Variants in KIF16B observed in about 807,000 individuals in gnomAD.
The protein encoded by KIF16B is kinesin-like protein KIF16B.
In KIF16B, 98 loss-of-function variants were observed where a neutral mutation model predicts 156.3. The ratio of observed to expected loss-of-function variants is 0.63; its 90% CI spans 0.53 to 0.74. The LOEUF is 0.74. Among genes scored for constraint, KIF16B ranks in the 30% least tolerant of loss-of-function variants. The pLI is 0.00. For synonymous variants in KIF16B, 564 were observed against 583.7 expected (o/e 0.97, Z 0.49); for missense variants, 1,421 against 1,606.5 (o/e 0.88, Z 1.97).
chr20:16,360,528 A>G (rs1056579154), intron 22 of KIF16B, among the ~76,000 whole-genome samples: 3 of 152,188 alleles, frequency 2.0e-5, no homozygotes, highest in East Asian at 1.9e-4. Flanking sequence ...ACTGGTGTGG[A>G]TGAGTACAGA....
intron 12 of KIF16B, among the ~76,000 whole-genome samples, chr20:16,433,802 G>A (rs1201366454): frequency 6.6e-6 from 1 of 152,102 alleles, no homozygotes; most frequent in South Asian, 2.1e-4. Context: ...AACTGGAAAC[G>A]AGGGTTTAAA....
At position 16,526,151 on chromosome 20, in the gene KIF16B, A is replaced by G; in HGVS notation, c.172T>C (p.Tyr58His). Reference sequence around the variant, plus strand: ...TCAGCAGAATAAAAAGAAAAGTCATAGGTGAAGGTCTTGGTCCGTTCTCTT... The same window carrying G: ...TCAGCAGAATAAAAAGAAAAGTCATGGGTGAAGGTCTTGGTCCGTTCTCTT... ...SGRERTKTFT[Y>H]DFSFYSADTK... is the part of the protein sequence containing the mutation. The change falls in exon 3 of 26, where the codon TAT (tyrosine) becomes CAT (histidine). Residue 58 changes from tyrosine (Y) to histidine (H), a missense_variant. Physicochemically the swap from Tyr to His is moderately conservative, Grantham distance 83. Coordinates refer to ENST00000354981, the MANE Select transcript of KIF16B (RefSeq NM_024704.5). 1.2e-6 allele frequency: 2 copies of G among 1,610,780 alleles called. No individual in the cohort carries two copies. The highest frequency in any genetic ancestry group is 1.7e-6 in the Non-Finnish European group (2 of 1,178,444).
intron 1 of KIF16B, among the ~76,000 whole-genome samples, chr20:16,553,078 T>G (rs1371681352): frequency 1.3e-5 from 2 of 152,192 alleles, no homozygotes; most frequent in Non-Finnish European, 2.9e-5. Context: ...TATTTTAATT[T>G]CTAATGTGGC....
intron 22 of KIF16B, among the ~76,000 whole-genome samples, chr20:16,359,352 CTT>C (rs1229021332): frequency 6.6e-6 from 1 of 152,176 alleles, no homozygotes; most frequent in Non-Finnish European, 1.5e-5. Flanking sequence ...CCCTCACACT[CTT>C]TCTCTTGCTC....
intron 12 of KIF16B, among the ~76,000 whole-genome samples, chr20:16,450,916 A>C (rs756905387): frequency 3.9e-5 from 6 of 152,170 alleles, no homozygotes; most frequent in Non-Finnish European, 8.8e-5. Flanking sequence ...ATAGTTTACT[A>C]TTTTTCACCC....
chr20:16,370,413 C>T (rs1012029337), intron 22 of KIF16B, among the ~76,000 whole-genome samples, 173 bp downstream of exon 22: 4 of 152,220 alleles, frequency 2.6e-5, no homozygotes, highest in Non-Finnish European at 4.4e-5. Context: ...CAGTTTCAAA[C>T]TACAGGATTC....
chr20:16,572,968 G>A (rs1290342633), intron 1 of KIF16B, among the ~76,000 whole-genome samples: 1 of 151,998 alleles, frequency 6.6e-6, no homozygotes, highest in Non-Finnish European at 1.5e-5. Context: ...TTTAAAGGGG[G>A]AACAAGAACA....
intron 24 of KIF16B, among the ~76,000 whole-genome samples, chr20:16,315,219 A>G (rs1365255416): frequency 6.6e-6 from 1 of 152,150 alleles, no homozygotes; most frequent in Non-Finnish European, 1.5e-5. Context: ...TGCTATTAAT[A>G]TTCAGCCTGT....
chr20:16,447,997 A>C (rs2066980731), intron 12 of KIF16B, among the ~76,000 whole-genome samples: 1 of 152,144 alleles, frequency 6.6e-6, no homozygotes, highest in African/African-American at 2.4e-5. Flanking sequence ...AAAACACAAA[A>C]CCAGCAAGCT....
intron 1 of KIF16B, among the ~76,000 whole-genome samples, chr20:16,544,523 C>CT (rs2070326825): frequency 1.5e-5 from 2 of 137,524 alleles, no homozygotes; most frequent in South Asian, 4.8e-4. Context: ...AGGAGAGTCG[C>CT]TTGAACCTGG....
chr20:16,500,103 T>C (rs1057446993), intron 10 of KIF16B, among the ~76,000 whole-genome samples: 1 of 152,152 alleles, frequency 6.6e-6, no homozygotes, highest in Non-Finnish European at 1.5e-5. Context: ...GAAAAGGACA[T>C]CCTGTTTTTA....
At chr20:16,283,682 T>C (rs2063180721) in intron 25 of KIF16B, among the ~76,000 whole-genome samples, 2 of 152,208 alleles carry the variant, frequency 1.3e-5, no homozygotes, top group Admixed American at 1.3e-4. Context: ...ACAAACGTTG[T>C]GGCTGGAAGC....
intron 1 of KIF16B, among the ~76,000 whole-genome samples, chr20:16,556,678 C>A (rs1249412026): frequency 1.3e-5 from 2 of 152,188 alleles, no homozygotes; most frequent in African/African-American, 4.8e-5. Context: ...TCTGGGCCCA[C>A]AGACCTCCCT....
rs376882916 is a variant in KIF16B, at chr20:16,367,559, T to C, written c.3498+3027A>G. 5.0e-5 allele frequency: 81 copies of C among 1,612,920 alleles called. No individual in the cohort carries two copies. In the African/African-American group the frequency reaches 5.7e-4, roughly 11 times the overall value. On this transcript the variant is annotated intron_variant, in intron 22 of 25. Coordinates refer to ENST00000354981, the MANE Select transcript of KIF16B (RefSeq NM_024704.5). ...CACTGGTCATGGCCAGAGTCACCCA[T>C]GACTTTCACTGTTGTGTAGAGCAGT...
intron 17 of KIF16B, among the ~76,000 whole-genome samples, chr20:16,387,061 G>A (rs930658758): frequency 7.2e-5 from 11 of 152,204 alleles, no homozygotes; most frequent in South Asian, 6.2e-4. Flanking sequence ...GGATTCAAAG[G>A]TGTTGCTCTC....
chr20:16,402,361 CCTT>C (rs2065676556), intron 17 of KIF16B, among the ~76,000 whole-genome samples: 1 of 152,200 alleles, frequency 6.6e-6, no homozygotes, highest in East Asian at 1.9e-4. Flanking sequence ...TGCAAGCTGA[CCTT>C]CTCAGGATTA....
chr20:16,503,388 A>G (rs1156895015), intron 10 of KIF16B, among the ~76,000 whole-genome samples: 2 of 152,170 alleles, frequency 1.3e-5, no homozygotes, highest in African/African-American at 4.8e-5. Context: ...TTCCTATTCA[A>G]CTGCTGTCCA....
rs886890449 is a variant in KIF16B, at chr20:16,549,266, C to T, written c.48-20826G>A. 2.7e-5 allele frequency among the ~76,000 whole-genome samples: 4 copies of T among 150,656 alleles called. No homozygotes were observed. The Admixed American group carries it at 2.7e-4, about 10-fold the overall frequency. On this transcript the variant is annotated intron_variant, in intron 1 of 25. Transcript: ENST00000354981. ...CCATGTGATCTCATTGTTCAATTCC[C>T]ACCTATGAGTGAGAATATGCGGTGT...
At chr20:16,540,849 T>C (rs932573198) in intron 1 of KIF16B, among the ~76,000 whole-genome samples, 1 of 152,206 alleles carries the variant, frequency 6.6e-6, no homozygotes, top group Non-Finnish European at 1.5e-5. Flanking sequence ...TATGACTGTG[T>C]CCCAAATATT....
Sources: gnomAD v4.1 joint callset for allele counts (sites outside exome capture counted in the v4.1 genomes callset) on GRCh38, gnomAD v4.1.1 for gene constraint, MANE v1.5 for transcripts, NCBI Gene and HGNC (gene_info 2026-07-23, HGNC 2026-07-21) for gene names.